Variants in RNF128 observed in about 807,000 individuals in gnomAD.
RNF128 encodes the protein E3 ubiquitin-protein ligase RNF128.
RNF128 carries 13 observed loss-of-function variants against 26.2 expected under a neutral mutation model. The observed-to-expected ratio is 0.50, with a 90% CI of 0.32 to 0.79. The LOEUF (loss-of-function observed/expected upper bound fraction) is 0.79, where lower values mean the gene tolerates loss of function less well. RNF128 is among the 30% of genes least tolerant of loss of function. RNF128 has a pLI of 0.03. For missense variants in RNF128, 315 were observed against 349.7 expected, an observed-to-expected ratio of 0.90 and a Z score of 0.79; for synonymous variants, 149 against 142.5, an observed-to-expected ratio of 1.05 and a Z score of -0.32.
At chrX:106,700,323 CTAATTATTTTCTTACT>C (rs1258538163) in intron 1 of RNF128, among the ~76,000 whole-genome samples, 1 of 111,318 alleles carries the variant, frequency 9.0e-6, no homozygotes, top group Non-Finnish European at 1.9e-5. Context: ...CGCACTTGGC[CTAATTATTTTCTTACT>C]TGTTTATTAT....
chrX:106,739,869 C>G (rs1929669893), intron 1 of RNF128, among the ~76,000 whole-genome samples: 1 of 111,352 alleles, frequency 9.0e-6, no homozygotes, highest in African/African-American at 3.3e-5. Context: ...CCAAATTCTC[C>G]TTTTCTCTAA....
Position 106,765,196 on chromosome X carries a change from A to G in RNF128, c.485-7717A>G, listed in dbSNP as rs1930196527. Among the ~76,000 whole-genome samples, 6 of 112,209 alleles carry G rather than the reference A, an allele frequency of 5.3e-5. No individual in the cohort carries two copies. The Admixed American group carries it at 5.7e-4, about 11-fold the overall frequency. The stretch of plus-strand genomic sequence containing the variant: ...GGGCTTAACTAAATGGCTATCATGT[A>G]AAAATAGTGTCTTTTGGAATGTTAA... On this transcript the variant is annotated intron_variant, in intron 1 of 6. Transcript: ENST00000255499.
chrX:106,776,450 CT>C (rs1293005059), intron 2 of RNF128, among the ~76,000 whole-genome samples: 1 of 111,945 alleles, frequency 8.9e-6, no homozygotes, highest in African/African-American at 3.2e-5. Flanking sequence ...AGGAAATCAT[CT>C]TCCAAGAGGA....
intron 1 of RNF128, among the ~76,000 whole-genome samples, chrX:106,765,740 AAGTTCTAGGCT>A (rs1930209749): frequency 1.8e-5 from 2 of 111,098 alleles, no homozygotes; most frequent in Non-Finnish European, 3.8e-5. Flanking sequence ...ATTATACTTT[AAGTTCTAGGCT>A]ACATGTGCAC....
intron 1 of RNF128, among the ~76,000 whole-genome samples, chrX:106,745,900 C>G (rs1235015319): frequency 9.0e-6 from 1 of 110,754 alleles, no homozygotes; most frequent in Non-Finnish European, 1.9e-5. Flanking sequence ...TTGGTATCAC[C>G]CTTTGAAATA....
chrX:106,755,340 C>G (rs1315845987), intron 1 of RNF128, among the ~76,000 whole-genome samples: 6 of 111,252 alleles, frequency 5.4e-5, no homozygotes, highest in Non-Finnish European at 1.1e-4. Context: ...TAAAGAAGAA[C>G]TAATGCCAAC....
In RNF128 at chrX:106,694,337, GA is replaced by G. The variant is rs1282637051; in HGVS notation, c.338del (p.Asn113MetfsTer6). The G allele has an allele frequency of 3.3e-6, 4 of 1,207,709 alleles. No homozygotes were observed. Among genetic ancestry groups the G allele is most frequent in the Non-Finnish European group, 4.5e-6 (4 of 894,166 alleles). On this transcript the variant is annotated frameshift_variant, in exon 1 of 7. Coordinates refer to the RNF128 transcript ENST00000324342. LOFTEE classifies it high-confidence loss of function. ...GAAAAAATTCAAACAGCGGGCAGAA[GA>G]AATGCTGATGCTGTTGTGATTTACA...
chrX:106,700,588 C>T (rs1237230852), intron 1 of RNF128, among the ~76,000 whole-genome samples: 1 of 111,913 alleles, frequency 8.9e-6, no homozygotes, highest in Non-Finnish European at 1.9e-5. Context: ...TTTACTGATA[C>T]AAGTAATAAA....
At chrX:106,770,074 C>T (rs779949635) in intron 1 of RNF128, among the ~76,000 whole-genome samples, 2 of 111,670 alleles carry the variant, frequency 1.8e-5, no homozygotes, top group African/African-American at 6.5e-5. Flanking sequence ...ATATTGGCCC[C>T]GACTCTCTTC....
chrX:106,726,258 C>T (rs1447785155), upstream of RNF128, among the ~76,000 whole-genome samples: 1 of 110,613 alleles, frequency 9.0e-6, no homozygotes. Flanking sequence ...GCTTTTCCTG[C>T]CCTTCCCCCC....
At chrX:106,711,595 T>C (rs984877963) in intron 1 of RNF128, among the ~76,000 whole-genome samples, 1 of 112,264 alleles carries the variant, frequency 8.9e-6, no homozygotes, top group Non-Finnish European at 1.9e-5. Flanking sequence ...TCCAACCTTA[T>C]AAAAGAAAGG....
At chrX:106,767,914 T>G (rs1462650291) in intron 1 of RNF128, among the ~76,000 whole-genome samples, 1 of 112,104 alleles carries the variant, frequency 8.9e-6, no homozygotes, top group Non-Finnish European at 1.9e-5. Context: ...ATTGAGAGTT[T>G]TTAGCATGAA....
chrX:106,783,497 C>T (rs910927336), intron 2 of RNF128, among the ~76,000 whole-genome samples: 6 of 110,766 alleles, frequency 5.4e-5, no homozygotes, highest in African/African-American at 1.3e-4. Flanking sequence ...CAGCTGGGGA[C>T]GGGGGTACAT....
intron 2 of RNF128, 65 bp from the exon 3 acceptor site, chrX:106,784,996 CTCTA>C (rs753265795): frequency 4.6e-5 from 35 of 758,449 alleles, no homozygotes; most frequent in Middle Eastern, 4.0e-4. Flanking sequence ...TATTGATCCT[CTCTA>C]TCTTTTTCAT....
intron 4 of RNF128, among the ~76,000 whole-genome samples, chrX:106,788,390 TATATATTATATATAATATATAATATATA>T (rs1930711926): frequency 6.8e-5 from 3 of 43,897 alleles, no homozygotes; most frequent in African/African-American, 2.7e-4. Flanking sequence ...TTATATATAA[TATATATTATATATAATATATAATATATA>T]ATATATATTA....
chrX:106,770,763 G>A (rs991347171), intron 1 of RNF128, among the ~76,000 whole-genome samples: 12 of 112,078 alleles, frequency 1.1e-4, no homozygotes, highest in African/African-American at 3.9e-4. Flanking sequence ...ACCCATCAAA[G>A]TCATTTTCCA....
chrX:106,715,040 A>AT (rs1480434757), intron 1 of RNF128, among the ~76,000 whole-genome samples: 1 of 111,281 alleles, frequency 9.0e-6, no homozygotes. Context: ...TGTGAATGTA[A>AT]TTTTTCATTT....
intron 1 of RNF128, among the ~76,000 whole-genome samples, chrX:106,758,277 A>G (rs896672824): frequency 2.7e-5 from 3 of 111,957 alleles, no homozygotes; most frequent in African/African-American, 9.7e-5. Context: ...GAAATTGAAG[A>G]TGGCACAAAA....
intron 1 of RNF128, among the ~76,000 whole-genome samples, chrX:106,770,348 G>A (rs1350668214): frequency 1.8e-5 from 2 of 111,705 alleles, no homozygotes; most frequent in Non-Finnish European, 3.8e-5. Flanking sequence ...ATTTTCCGAC[G>A]TGGTTCCATT....
Sources: gnomAD v4.1 joint callset for allele counts (sites outside exome capture counted in the v4.1 genomes callset) on GRCh38, gnomAD v4.1.1 for gene constraint, MANE v1.5 for transcripts, NCBI Gene and HGNC (gene_info 2026-07-23, HGNC 2026-07-21) for gene names.